Variants in SYNPO2 observed in about 807,000 individuals in gnomAD.
The protein encoded by SYNPO2 is synaptopodin-2.
In SYNPO2, 56 loss-of-function variants were observed where a neutral mutation model predicts 85.0. That is an observed-to-expected ratio of 0.66 (90% confidence interval 0.53 to 0.82). The LOEUF (loss-of-function observed/expected upper bound fraction) is 0.82, where lower values mean the gene tolerates loss of function less well. Ranked by LOEUF, SYNPO2 falls within the 40% of genes least tolerant of loss-of-function variation. The pLI, the probability that SYNPO2 is intolerant of heterozygous loss-of-function variation, is 0.00. For missense variants in SYNPO2, 1,575 were observed against 1,534.2 expected (o/e 1.03, Z -0.44); for synonymous variants, 602 against 591.1 (o/e 1.02, Z -0.27).
intron 1 of SYNPO2, among the ~76,000 whole-genome samples, chr4:118,921,287 A>G (rs1176486554): frequency 6.6e-6 from 1 of 152,114 alleles, no homozygotes; most frequent in Non-Finnish European, 1.5e-5. Context: ...CTCACTCTAC[A>G]TGCTATCCCT....
intron 1 of SYNPO2, among the ~76,000 whole-genome samples, chr4:118,892,900 T>G (rs1214046008): frequency 6.6e-6 from 1 of 152,108 alleles, no homozygotes; most frequent in African/African-American, 2.4e-5. Flanking sequence ...TCTTTAAGAT[T>G]TTGAATAAAA....
Position 119,031,820 on chromosome 4 carries a change from A to G in SYNPO2, c.3045A>G (p.Ser1015=). 2 of 1,614,112 alleles carry G rather than the reference A, an allele frequency of 1.2e-6. No homozygotes were observed. Among genetic ancestry groups the G allele is most frequent in the Middle Eastern group, 1.6e-4 (1 of 6,062 alleles). Residue 1015 remains serine (S), a synonymous_variant, in exon 4 of 5, where the codon TCA becomes TCG. Transcript: ENST00000307142. The part of the protein sequence containing the change: ...ALPPRPVNAA[S]PTNVQASSVY... Reference sequence around the variant, plus strand: ...CTCCCCGGCCAGTGAATGCTGCCTCACCTACGAATGTGCAGGCTTCGTCAG... The same window carrying G: ...CTCCCCGGCCAGTGAATGCTGCCTCGCCTACGAATGTGCAGGCTTCGTCAG...
intron 1 of SYNPO2, among the ~76,000 whole-genome samples, chr4:118,941,274 C>T (rs949512572): frequency 6.6e-6 from 1 of 152,176 alleles, no homozygotes; most frequent in African/African-American, 2.4e-5. Flanking sequence ...TCATCTTGAA[C>T]ATCTTTCCAG....
Position 118,888,884 on chromosome 4 carries a change from C to G in SYNPO2, c.-153C>G, listed in dbSNP as rs1732266034. On this transcript the variant is annotated 5_prime_UTR_variant, in exon 1 of 5. Transcript: ENST00000307142. ...AATTCGCAGCAGGCGGCTGGGGCGG[C>G]GGCTGGGGCAGCGGCTGCAGCAGCG... 1 of 755,324 alleles carries G rather than the reference C, an allele frequency of 1.3e-6. No homozygotes were observed. Among genetic ancestry groups the G allele is most frequent in the Non-Finnish European group, 2.2e-6 (1 of 454,718 alleles). 46.8% of individuals were successfully genotyped at this position (755,324 alleles called of 1,614,324 possible). A position where few individuals can be genotyped will look rare whatever the true frequency, so the allele number is the denominator to read the frequency against.
In SYNPO2 at chr4:119,027,391, C is replaced by A; in HGVS notation, c.1022C>A (p.Ser341Ter). Residue 341 changes from serine (S) to a stop codon, truncating the protein, a stop_gained, in exon 3 of 5, where the codon TCG (serine) becomes TAG (stop). Transcript: ENST00000307142. LOFTEE classifies it high-confidence loss of function. Reference protein sequence around the residue: ...EGTEQGEDPRSEKDHSRPHKH... With the variant: ...EGTEQGEDPR ...ACAGAGCAGGGAGAAGATCCACGCT[C>A]GGAAAAAGATCACAGCAGACCTCAC... is the stretch of plus-strand genomic sequence containing the variant. 6.2e-7 allele frequency: 1 copy of A among 1,612,320 alleles called. No individual in the cohort carries two copies. Among genetic ancestry groups the A allele is most frequent in the South Asian group, 1.1e-5 (1 of 91,026 alleles).
At chr4:119,050,841 T>C (rs75262862) in intron 4 of SYNPO2, among the ~76,000 whole-genome samples, 1 of 152,210 alleles carries the variant, frequency 6.6e-6, no homozygotes, top group Non-Finnish European at 1.5e-5. Flanking sequence ...GTATTAACTA[T>C]ACCATCTGCC....
At chr4:119,024,257 T>C (rs780843970) in intron 2 of SYNPO2, among the ~76,000 whole-genome samples, 6 of 152,282 alleles carry the variant, frequency 3.9e-5, no homozygotes, top group Middle Eastern at 3.4e-3. Context: ...AACTACAGCA[T>C]TGACATTTTT....
chr4:118,951,897 T>G (rs1405690169), intron 1 of SYNPO2, among the ~76,000 whole-genome samples: 1 of 152,172 alleles, frequency 6.6e-6, no homozygotes, highest in African/African-American at 2.4e-5. Context: ...TTTTTAATAT[T>G]TCATCCCAGA....
intron 4 of SYNPO2, among the ~76,000 whole-genome samples, chr4:119,051,103 A>G (rs1739022193): frequency 6.6e-6 from 1 of 151,784 alleles, no homozygotes; most frequent in African/African-American, 2.4e-5. Context: ...GAAACTGGGA[A>G]TGTATGAAGG....
intron 1 of SYNPO2, among the ~76,000 whole-genome samples, chr4:118,975,961 A>C (rs1267703683): frequency 6.6e-6 from 1 of 152,240 alleles, no homozygotes; most frequent in Non-Finnish European, 1.5e-5. Flanking sequence ...GATTTGTTGC[A>C]AAAATATAAA....
At chr4:118,971,359 C>A (rs921150054) in intron 1 of SYNPO2, among the ~76,000 whole-genome samples, 1 of 152,160 alleles carries the variant, frequency 6.6e-6, no homozygotes, top group African/African-American at 2.4e-5. Context: ...GAGGACTGGG[C>A]AACTATCTCA....
intron 4 of SYNPO2, chr4:119,035,927 C>T (rs541943949): frequency 2.2e-5 from 22 of 985,162 alleles, no homozygotes; most frequent in African/African-American, 1.6e-4. Context: ...GAAGGTCATT[C>T]GGCTGCTAAG....
chr4:118,986,898 A>G (rs1455906967), intron 1 of SYNPO2, among the ~76,000 whole-genome samples: 2 of 152,172 alleles, frequency 1.3e-5, no homozygotes, highest in African/African-American at 4.8e-5. Flanking sequence ...TAAAGCCTCC[A>G]ACAACTTCCC....
chr4:118,956,142 G>C (rs1734865271), intron 1 of SYNPO2, among the ~76,000 whole-genome samples: 1 of 151,856 alleles, frequency 6.6e-6, no homozygotes, highest in Admixed American at 6.6e-5. Context: ...TGAGAGGAGA[G>C]ATTGGGGTTT....
At chr4:118,895,991 T>A (rs1001428595) in intron 1 of SYNPO2, among the ~76,000 whole-genome samples, 1 of 152,242 alleles carries the variant, frequency 6.6e-6, no homozygotes, top group African/African-American at 2.4e-5. Flanking sequence ...TAAAGTTTTA[T>A]AATTCTCAGT....
At chr4:118,982,990 C>T (rs985421549) in intron 1 of SYNPO2, among the ~76,000 whole-genome samples, 1 of 152,130 alleles carries the variant, frequency 6.6e-6, no homozygotes, top group Non-Finnish European at 1.5e-5. Flanking sequence ...TCAGCTGGAA[C>T]GTCAGTGACT....
At chr4:118,878,336 G>A (rs1731965281) in intron 1 of SYNPO2, among the ~76,000 whole-genome samples, 1 of 152,100 alleles carries the variant, frequency 6.6e-6, no homozygotes, top group Non-Finnish European at 1.5e-5. Context: ...ACTTGCACAT[G>A]TACCCCTGAA....
intron 1 of SYNPO2, among the ~76,000 whole-genome samples, chr4:118,999,711 A>C (rs570115717): frequency 3.9e-5 from 6 of 152,282 alleles, no homozygotes; most frequent in African/African-American, 1.4e-4. Context: ...ACAGGAGAAT[A>C]ATCAGGTGAA....
intron 1 of SYNPO2, among the ~76,000 whole-genome samples, chr4:118,880,075 T>G: frequency 6.6e-6 from 1 of 152,144 alleles, no homozygotes; most frequent in East Asian, 1.9e-4. Flanking sequence ...TTTACAAAAC[T>G]GGGAATCACT....
Sources: allele counts gnomAD v4.1 joint callset (sites outside exome capture counted in the v4.1 genomes callset), GRCh38; gene constraint gnomAD v4.1.1; transcripts MANE v1.5; gene names NCBI Gene and HGNC (gene_info 2026-07-23, HGNC 2026-07-21).